The following TCF4 variants were observed in gnomAD, a reference collection of about 807,000 sequenced individuals.
TCF4 encodes SL3-3 enhancer factor 2.
TCF4 carries 3 observed loss-of-function variants against 82.1 expected under a neutral mutation model. The observed-to-expected ratio is 0.04, with a 90% CI of 0.02 to 0.09. The LOEUF is 0.09. Among genes scored for constraint, TCF4 ranks in the 10% least tolerant of loss-of-function variants. TCF4 has a pLI of 1.00. For synonymous variants in TCF4, 276 were observed against 309.6 expected, an observed-to-expected ratio of 0.89 and a Z score of 1.14; for missense variants, 518 against 852.7, an observed-to-expected ratio of 0.61 and a Z score of 4.89.
intron 3 of TCF4, among the ~76,000 whole-genome samples, chr18:55,583,190 T>C (rs1445946548): frequency 6.6e-6 from 1 of 152,144 alleles, no homozygotes; most frequent in Non-Finnish European, 1.5e-5. Flanking sequence ...CAAGTAAACA[T>C]TTGGTCCTGA....
chr18:55,562,557 C>G (rs2097364169), intron 3 of TCF4, among the ~76,000 whole-genome samples: 1 of 152,324 alleles, frequency 6.6e-6, no homozygotes, highest in African/African-American at 2.4e-5. Context: ...GCAGCCCCCT[C>G]TCTATCTCCC....
chr18:55,441,278 T>C (rs1275327016), intron 5 of TCF4, among the ~76,000 whole-genome samples: 1 of 152,240 alleles, frequency 6.6e-6, no homozygotes, highest in Non-Finnish European at 1.5e-5. Context: ...CTTAAAATAC[T>C]CTCCCATTCT....
At chr18:55,634,097 C>T (rs551286793) in intron 1 of TCF4, among the ~76,000 whole-genome samples, 75 of 152,126 alleles carry the variant, frequency 4.9e-4, no homozygotes, top group African/African-American at 1.7e-3. Context: ...GATGAAACCC[C>T]GTCTCTACTA....
chr18:55,238,119 T>C (rs902923070), intron 15 of TCF4, among the ~76,000 whole-genome samples: 1 of 152,188 alleles, frequency 6.6e-6, no homozygotes, highest in Non-Finnish European at 1.5e-5. Flanking sequence ...GAAAGGAGAT[T>C]CCCACAAGTC....
chr18:55,621,582 A>AT (rs1177142391), intron 2 of TCF4, among the ~76,000 whole-genome samples: 2 of 91,652 alleles, frequency 2.2e-5, no homozygotes, highest in African/African-American at 8.7e-5. Flanking sequence ...TATATAATAT[A>AT]TATATTATAT....
chr18:55,457,725 TTATATCCCACTTTGCA>T (rs2095793232), intron 5 of TCF4, among the ~76,000 whole-genome samples: 1 of 152,158 alleles, frequency 6.6e-6, no homozygotes, highest in Non-Finnish European at 1.5e-5. Context: ...CTCTTATAAT[TTATATCCCACTTTGCA>T]TAAATGTGAA....
At chr18:55,632,571 A>G (rs750894523) in intron 1 of TCF4, among the ~76,000 whole-genome samples, 24 of 152,232 alleles carry the variant, frequency 1.6e-4, no homozygotes, top group Non-Finnish European at 2.9e-4. Context: ...AGAAAACATC[A>G]AAGGCTATCA....
intron 13 of TCF4, among the ~76,000 whole-genome samples, chr18:55,258,198 T>C (rs1482290484): frequency 1.3e-5 from 2 of 152,210 alleles, no homozygotes; most frequent in Non-Finnish European, 2.9e-5. Context: ...TATATTTTTA[T>C]GCTAAATAAA....
At chr18:55,532,758 G>C (rs1049034296) in intron 3 of TCF4, among the ~76,000 whole-genome samples, 1 of 151,944 alleles carries the variant, frequency 6.6e-6, no homozygotes, top group African/African-American at 2.4e-5. Flanking sequence ...TTTACTCTTC[G>C]AAAGAGTTCA....
intron 6 of TCF4, among the ~76,000 whole-genome samples, chr18:55,386,816 C>A (rs1278895094): frequency 3.3e-5 from 5 of 152,142 alleles, no homozygotes; most frequent in Non-Finnish European, 7.4e-5. Flanking sequence ...AGGGCTCAAC[C>A]CTCTGTCATT....
intron 6 of TCF4, among the ~76,000 whole-genome samples, chr18:55,369,567 C>T (rs1469872844): frequency 6.6e-6 from 1 of 152,202 alleles, no homozygotes; most frequent in East Asian, 1.9e-4. Context: ...CAAGGAAATA[C>T]ACATTCCCCA....
intron 2 of TCF4, among the ~76,000 whole-genome samples, chr18:55,613,975 G>T (rs961440416): frequency 6.6e-6 from 1 of 152,224 alleles, no homozygotes; most frequent in Non-Finnish European, 1.5e-5. Flanking sequence ...CTGGACAGCA[G>T]TGTCATGATC....
intron 2 of TCF4, among the ~76,000 whole-genome samples, chr18:55,625,794 GAAGA>G (rs1056823077): frequency 1.5e-4 from 23 of 152,186 alleles, no homozygotes; most frequent in Admixed American, 1.0e-3. Context: ...TTAAAAAATA[GAAGA>G]AAGGAAGTAT....
At chr18:55,316,205 G>C (rs148231105) in intron 8 of TCF4, among the ~76,000 whole-genome samples, 1 of 152,026 alleles carries the variant, frequency 6.6e-6, no homozygotes, top group African/African-American at 2.4e-5. Context: ...CATGCATTTA[G>C]GTCAGCTGTG....
At chr18:55,604,777 G>A (rs1022024153) in intron 2 of TCF4, among the ~76,000 whole-genome samples, 2 of 152,088 alleles carry the variant, frequency 1.3e-5, no homozygotes, top group Non-Finnish European at 2.9e-5. Context: ...GAAGGTTGGT[G>A]GTCATTGGTA....
intron 10 of TCF4, among the ~76,000 whole-genome samples, chr18:55,271,225 C>T (rs139349531): frequency 1.2e-4 from 18 of 152,236 alleles, no homozygotes; most frequent in African/African-American, 4.1e-4. Flanking sequence ...AATGCACTTA[C>T]ATTCTGCACT....
At chr18:55,445,924 C>G (rs1286693097) in intron 5 of TCF4, among the ~76,000 whole-genome samples, 1 of 152,208 alleles carries the variant, frequency 6.6e-6, no homozygotes, top group Non-Finnish European at 1.5e-5. Context: ...CCTCCCTTGC[C>G]TGTCTCTTGA....
intron 13 of TCF4, among the ~76,000 whole-genome samples, chr18:55,259,246 C>T (rs1239447761): frequency 2.0e-5 from 3 of 152,088 alleles, no homozygotes; most frequent in Non-Finnish European, 4.4e-5. Flanking sequence ...CACCTGTCTC[C>T]TTACCAAAGA....
chr18:55,319,059 C>T (rs1204550059), intron 8 of TCF4, among the ~76,000 whole-genome samples: 2 of 152,298 alleles, frequency 1.3e-5, no homozygotes, highest in East Asian at 3.9e-4. Context: ...GAATTCAGTG[C>T]TGTGTTCTCT....
Sources: allele counts gnomAD v4.1 joint callset (sites outside exome capture counted in the v4.1 genomes callset), GRCh38; gene constraint gnomAD v4.1.1; transcripts MANE v1.5; gene names NCBI Gene and HGNC (gene_info 2026-07-23, HGNC 2026-07-21).